Variants in CDYL2 observed in about 807,000 individuals in gnomAD.
The protein encoded by CDYL2 is chromodomain Y-like protein 2.
A neutral mutation model predicts 49.4 loss-of-function variants in CDYL2; 23 were observed. The ratio of observed to expected loss-of-function variants is 0.47; its 90% CI spans 0.34 to 0.66. CDYL2 has a LOEUF of 0.66. CDYL2 is among the 30% of genes least tolerant of loss of function. The pLI, the probability that CDYL2 is intolerant of heterozygous loss-of-function variation, is 0.01. For synonymous variants in CDYL2, 360 were observed against 268.8 expected (o/e 1.34, Z -3.32); for missense variants, 678 against 656.4 (o/e 1.03, Z -0.36).
At chr16:80,681,001 C>T (rs924770294) in intron 2 of CDYL2, among the ~76,000 whole-genome samples, 5 of 151,994 alleles carry the variant, frequency 3.3e-5, no homozygotes, top group Non-Finnish European at 5.9e-5. Context: ...CTGCTGCACA[C>T]GCCCCACAAA....
In CDYL2 at chr16:80,712,215, A is replaced by ATATATATATC. The variant is rs763194077; in HGVS notation, c.25-27087_25-27086insGATATATATA. Among the ~76,000 whole-genome samples, 69 of 128,372 alleles carry ATATATATATC rather than the reference A, an allele frequency of 5.4e-4. 1 individual carries two copies. Among genetic ancestry groups the ATATATATATC allele is most frequent in the Non-Finnish European group, 1.1e-3 (60 of 56,976 alleles). The allele number at this position is 128,372 out of a possible 152,430, so 84.2% of individuals were successfully genotyped here. A position where few individuals can be genotyped will look rare whatever the true frequency, so the allele number is the denominator to read the frequency against. ...TGTATATATATATATATATATATATATCTCCAAACCACTGCTCACTGTGAT... is the reference window on the plus strand; with the variant it reads ...TGTATATATATATATATATATATATATATATATATCTCTCCAAACCACTGCTCACTGTGAT... On this transcript the variant is annotated intron_variant, in intron 1 of 6. Transcript: ENST00000570137.
At chr16:80,622,790 C>G (rs1015488628) in intron 3 of CDYL2, among the ~76,000 whole-genome samples, 1 of 152,064 alleles carries the variant, frequency 6.6e-6, no homozygotes, top group Non-Finnish European at 1.5e-5. Context: ...AAGTTTGCAC[C>G]CCATGAAAGC....
chr16:80,759,931 T>C (rs564433141), intron 1 of CDYL2, among the ~76,000 whole-genome samples: 1 of 152,324 alleles, frequency 6.6e-6, no homozygotes, highest in African/African-American at 2.4e-5. Context: ...TCAGACTATT[T>C]AGAAATGACT....
chr16:80,626,690 A>G (rs903632633), intron 3 of CDYL2, among the ~76,000 whole-genome samples: 3 of 152,230 alleles, frequency 2.0e-5, no homozygotes, highest in Non-Finnish European at 2.9e-5. Flanking sequence ...AGAAGAGATG[A>G]TAAGTGAGCA....
intron 1 of CDYL2, among the ~76,000 whole-genome samples, chr16:80,725,646 C>A (rs1202744400): frequency 6.6e-6 from 1 of 152,194 alleles, no homozygotes; most frequent in Non-Finnish European, 1.5e-5. Context: ...TGCAGAAGTT[C>A]CAGCAGTCCA....
chr16:80,717,088 G>A (rs879590139), intron 1 of CDYL2, among the ~76,000 whole-genome samples: 1 of 150,326 alleles, frequency 6.7e-6, no homozygotes. Flanking sequence ...ATGGATGGGT[G>A]AATGATTGGG....
intron 2 of CDYL2, among the ~76,000 whole-genome samples, chr16:80,659,284 G>A (rs1221340418): frequency 6.6e-6 from 1 of 151,956 alleles, no homozygotes; most frequent in Non-Finnish European, 1.5e-5. Flanking sequence ...CTGAAGAACT[G>A]TTCCAGATTA....
At chr16:80,792,311 A>T (rs1305459461) in intron 1 of CDYL2, among the ~76,000 whole-genome samples, 3 of 152,214 alleles carry the variant, frequency 2.0e-5, no homozygotes, top group Non-Finnish European at 2.9e-5. Context: ...GCAATGTTTA[A>T]GGAACAGGCA....
At chr16:80,669,036 G>A (rs1463987103) in intron 2 of CDYL2, among the ~76,000 whole-genome samples, 1 of 151,898 alleles carries the variant, frequency 6.6e-6, no homozygotes, top group Non-Finnish European at 1.5e-5. Context: ...AGAGGAAAAA[G>A]TAAAGAAAAA....
At chr16:80,707,097 G>A (rs1218938507) in intron 1 of CDYL2, among the ~76,000 whole-genome samples, 1 of 152,116 alleles carries the variant, frequency 6.6e-6, no homozygotes, top group African/African-American at 2.4e-5. Flanking sequence ...TGCCCCCTAG[G>A]ATTCAGTATA....
chr16:80,768,725 ACATGTAG>A (rs1906810280), intron 1 of CDYL2, among the ~76,000 whole-genome samples: 1 of 152,310 alleles, frequency 6.6e-6, no homozygotes, highest in Middle Eastern at 3.4e-3. Flanking sequence ...TTCCTGGATG[ACATGTAG>A]CATAACACCA....
rs767761486 is a variant in CDYL2 at position 80,612,827 on chromosome 16, C to T, written c.1017G>A (p.Val339=). 5 of 1,610,494 alleles carry T rather than the reference C, an allele frequency of 3.1e-6. No homozygotes were observed. The highest frequency in any genetic ancestry group is 4.2e-6 in the Non-Finnish European group (5 of 1,178,148). The change falls in exon 5 of 7, where the codon GTG becomes GTA. Residue 339 remains valine, a synonymous_variant. Transcript: ENST00000570137. This position sits in a 1 kb window ranked among gnomAD's most constrained non-coding sequence, Gnocchi z 5.0. ...GCTTCTTAAACTGGATAAAGGCCTT[C>T]ACAAAGTCCCTGGGAGAGAAAGAAG... ...TRIAEAIRDF[V]KAFIQFKKPI... is the part of the protein sequence containing the mutation.
rs961889889 is a variant in CDYL2, at chr16:80,603,579, C to A, written c.*809G>T. 6.6e-6 allele frequency: 1 copy of A among 152,536 alleles called. No homozygotes were observed. Among genetic ancestry groups the A allele is most frequent in the East Asian group, 1.9e-4 (1 of 5,198 alleles). 9.4% of individuals were successfully genotyped at this position (152,536 alleles called of 1,614,324 possible). A position where few individuals can be genotyped will look rare whatever the true frequency, so the allele number is the denominator to read the frequency against. On this transcript the variant is annotated 3_prime_UTR_variant, in exon 7 of 7. Transcript: ENST00000570137. ...TTCATTGCTAGAATGCACCAAACGG[C>A]ATGAACCTTGTGTGGGATTTGGTCC...
chr16:80,663,382 G>C (rs1909128535), intron 2 of CDYL2, among the ~76,000 whole-genome samples: 1 of 151,836 alleles, frequency 6.6e-6, no homozygotes, highest in African/African-American at 2.4e-5. Flanking sequence ...CTTGCTCTCA[G>C]GACCTGAATG....
At chr16:80,781,928 A>C (rs1443455295) in intron 1 of CDYL2, among the ~76,000 whole-genome samples, 1 of 151,990 alleles carries the variant, frequency 6.6e-6, no homozygotes, top group African/African-American at 2.4e-5. Flanking sequence ...TTACAGGTGT[A>C]AACACCTACA....
Position 80,612,824 on chromosome 16 carries a change from C to T in CDYL2, c.1020G>A (p.Lys340=). Residue 340 remains lysine (K), a synonymous_variant, in exon 5 of 7, where the codon AAG becomes AAA. Coordinates refer to ENST00000570137, the MANE Select transcript of CDYL2 (RefSeq NM_152342.4). This position sits in a 1 kb window ranked among gnomAD's most constrained non-coding sequence, Gnocchi z 5.0. ...RIAEAIRDFV[K]AFIQFKKPIV... is the part of the protein sequence containing the mutation. ...TAGGCTTCTTAAACTGGATAAAGGC[C>T]TTCACAAAGTCCCTGGGAGAGAAAG... 6.2e-7 allele frequency: 1 copy of T among 1,611,182 alleles called. No individual in the cohort carries two copies. The highest frequency in any genetic ancestry group is 8.5e-7 in the Non-Finnish European group (1 of 1,178,552).
intron 3 of CDYL2, chr16:80,632,719 T>C (rs2142391485): frequency 5.6e-6 from 2 of 356,700 alleles, no homozygotes; most frequent in African/African-American, 2.0e-5. Flanking sequence ...AAGCCCAAGA[T>C]GTGATGTTTG....
At chr16:80,694,917 T>C (rs951155940) in intron 1 of CDYL2, among the ~76,000 whole-genome samples, 1 of 152,120 alleles carries the variant, frequency 6.6e-6, no homozygotes, top group Non-Finnish European at 1.5e-5. Context: ...AAGGGCCAAA[T>C]GAAAGAGCTC....
intron 1 of CDYL2, among the ~76,000 whole-genome samples, chr16:80,746,716 AG>A (rs1905944240): frequency 6.6e-6 from 1 of 152,096 alleles, no homozygotes; most frequent in Admixed American, 6.5e-5. Context: ...GGTGTGGGGC[AG>A]GGGGAGGGAC....
Sources: gnomAD v4.1 joint callset for allele counts (sites outside exome capture counted in the v4.1 genomes callset) on GRCh38, gnomAD v4.1.1 for gene constraint, Gnocchi (gnomAD v3.1) non-coding constraint, MANE v1.5 for transcripts, NCBI Gene and HGNC (gene_info 2026-07-23, HGNC 2026-07-21) for gene names.